ARHGAP25: variants seen among roughly 807,000 people sequenced by gnomAD.
ARHGAP25 encodes rho GTPase-activating protein 25.
In ARHGAP25, 34 loss-of-function variants were observed where a neutral mutation model predicts 71.0. The ratio of observed to expected loss-of-function variants is 0.48; its 90% CI spans 0.36 to 0.64. The LOEUF (loss-of-function observed/expected upper bound fraction) is 0.64, where lower values mean the gene tolerates loss of function less well. Among genes scored for constraint, ARHGAP25 ranks in the 30% least tolerant of loss-of-function variants. ARHGAP25 has a pLI of 0.00. For synonymous variants in ARHGAP25, 282 were observed against 296.5 expected (o/e 0.95, Z 0.50); for missense variants, 706 against 805.1 (o/e 0.88, Z 1.49).
intron 5 of ARHGAP25, among the ~76,000 whole-genome samples, chr2:68,812,436 A>G (rs1573612879): frequency 1.3e-5 from 2 of 152,304 alleles, no homozygotes; most frequent in East Asian, 3.9e-4. Flanking sequence ...AATCAGGCCC[A>G]CGGGGAGGCG....
rs566776754 is a variant in ARHGAP25, at chr2:68,711,411, G to A, written c.-18+713G>A. ...GTATTTATTTTCATTTTGAGATGGA[G>A]TCTTGCTCTGTCACCCAGGCTGGAG... On this transcript the variant is annotated intron_variant and NMD_transcript_variant, in intron 2 of 7. Transcript: ENST00000463483. Among the ~76,000 whole-genome samples, 5 of 152,276 alleles carry A rather than the reference G, an allele frequency of 3.3e-5. No homozygotes were observed. The East Asian group carries it at 9.6e-4, about 29-fold the overall frequency.
chr2:68,745,394 C>G (rs1675753515), intron 1 of ARHGAP25, among the ~76,000 whole-genome samples: 1 of 152,208 alleles, frequency 6.6e-6, no homozygotes. Flanking sequence ...CAGTGAGCCA[C>G]CATTCCATTG....
At chr2:68,820,258 T>A (rs961293980) in intron 9 of ARHGAP25, among the ~76,000 whole-genome samples, 1 of 152,242 alleles carries the variant, frequency 6.6e-6, no homozygotes, top group African/African-American at 2.4e-5. Flanking sequence ...TTTACTGATT[T>A]CTGTGGGCAG....
chr2:68,761,542 C>A (rs574632997), intron 1 of ARHGAP25, among the ~76,000 whole-genome samples: 25 of 151,436 alleles, frequency 1.7e-4, no homozygotes, highest in South Asian at 6.3e-4. Context: ...CAAAAAAAAA[C>A]CCCACAAACA....
chr2:68,812,313 C>T (rs1238098678), intron 5 of ARHGAP25, among the ~76,000 whole-genome samples: 1 of 152,224 alleles, frequency 6.6e-6, no homozygotes, highest in Non-Finnish European at 1.5e-5. Context: ...TAATTCTTAG[C>T]TCCCAGGCTG....
Position 68,775,201 on chromosome 2 carries a change from C to A in ARHGAP25, c.62-20C>A, listed in dbSNP as rs1677794274. On this transcript the variant is annotated intron_variant, in intron 1 of 10. Coordinates refer to ENST00000409202, the MANE Select transcript of ARHGAP25 (RefSeq NM_001007231.3). ...GCCCCATGTCCCTCGGTCAGTCGGCCTGTCTGTTCCTCTCTATAGCTCGGT... is the reference window on the plus strand; with the variant it reads ...GCCCCATGTCCCTCGGTCAGTCGGCATGTCTGTTCCTCTCTATAGCTCGGT... The A allele has an allele frequency of 1.9e-6, 3 of 1,614,268 alleles. No individual in the cohort carries two copies. In the East Asian group the frequency reaches 6.7e-5, roughly 36 times the overall value.
At chr2:68,772,343 C>T (rs1677540845) in intron 1 of ARHGAP25, among the ~76,000 whole-genome samples, 1 of 152,234 alleles carries the variant, frequency 6.6e-6, no homozygotes, top group Admixed American at 6.5e-5. Context: ...CCTGAGTTGG[C>T]TCCATTTGAT....
chr2:68,774,790 TG>T (rs1262998568), intron 1 of ARHGAP25: 7 of 1,065,736 alleles, frequency 6.6e-6, no homozygotes, highest in Non-Finnish European at 8.0e-6. Flanking sequence ...TGCAGCTGCG[TG>T]GGACTCACCC....
At chr2:68,824,325 C>T (rs987701285) in intron 10 of ARHGAP25, among the ~76,000 whole-genome samples, 3 of 152,208 alleles carry the variant, frequency 2.0e-5, no homozygotes, top group Non-Finnish European at 2.9e-5. Flanking sequence ...CCTGAGCCCA[C>T]ACAGATTCTA....
chr2:68,768,066 G>A (rs1677236929), intron 1 of ARHGAP25, among the ~76,000 whole-genome samples: 1 of 152,182 alleles, frequency 6.6e-6, no homozygotes, highest in African/African-American at 2.4e-5. Context: ...CTGGGCTGTG[G>A]CTTAGGTATG....
intron 1 of ARHGAP25, among the ~76,000 whole-genome samples, chr2:68,769,629 A>G (rs1328925630): frequency 6.6e-6 from 1 of 152,166 alleles, no homozygotes; most frequent in African/African-American, 2.4e-5. Context: ...AAAAGTACCA[A>G]GCAAGGCGAC....
intron 7 of ARHGAP25, 147 bp from the exon 8 acceptor site, chr2:68,817,726 A>G (rs1483099363): frequency 9.9e-7 from 1 of 1,012,662 alleles, no homozygotes; most frequent in Non-Finnish European, 1.4e-6. Context: ...GGATGAGGCT[A>G]AATTCTTGTG....
chr2:68,711,259 A>G (rs1674475452), intron 2 of ARHGAP25, among the ~76,000 whole-genome samples: 1 of 152,140 alleles, frequency 6.6e-6, no homozygotes, highest in South Asian at 2.1e-4. Flanking sequence ...ATGGAGGTGA[A>G]TTTTCCCATA....
At chr2:68,808,324 C>T (rs993456974) in intron 5 of ARHGAP25, among the ~76,000 whole-genome samples, 2 of 152,190 alleles carry the variant, frequency 1.3e-5, no homozygotes, top group African/African-American at 4.8e-5. Flanking sequence ...ATGAAAGTTG[C>T]TAAGCTTATT....
In ARHGAP25 at chr2:68,826,376, T is replaced by C; in HGVS notation, c.*182T>C. 1 of 708,080 alleles carries C rather than the reference T, an allele frequency of 1.4e-6. No individual in the cohort carries two copies. The highest frequency in any genetic ancestry group is 2.5e-6 in the Non-Finnish European group (1 of 393,040). 43.9% of individuals were successfully genotyped at this position (708,080 alleles called of 1,614,324 possible). ...GCAGGAAGGTGAGGGTGAGCAGAGA[T>C]GTGTGTGGACATCTCTGACCATCCA... On this transcript the variant is annotated 3_prime_UTR_variant, in exon 11 of 11. Coordinates refer to ENST00000409202, the MANE Select transcript of ARHGAP25 (RefSeq NM_001007231.3).
chr2:68,769,992 C>T (rs1339944121), intron 1 of ARHGAP25, among the ~76,000 whole-genome samples: 1 of 152,146 alleles, frequency 6.6e-6, no homozygotes, highest in African/African-American at 2.4e-5. Flanking sequence ...AGGAAGGTAA[C>T]ATGATCAGAA....
chr2:68,778,043 T>C (rs747698143), intron 2 of ARHGAP25, among the ~76,000 whole-genome samples: 9 of 152,146 alleles, frequency 5.9e-5, no homozygotes, highest in Non-Finnish European at 8.8e-5. Flanking sequence ...GTCAAAGCAA[T>C]CTATTATATG....
chr2:68,766,314 T>G (rs1384269270), intron 1 of ARHGAP25, among the ~76,000 whole-genome samples: 1 of 152,218 alleles, frequency 6.6e-6, no homozygotes, highest in Non-Finnish European at 1.5e-5. Context: ...CCAGCTACAT[T>G]GTCAAAGAAT....
At chr2:68,813,504 A>C in intron 6 of ARHGAP25, 85 bp downstream of exon 6, 2 of 1,476,624 alleles carry the variant, frequency 1.4e-6, no homozygotes, top group East Asian at 4.7e-5. Flanking sequence ...CAGTGGGTCA[A>C]GGGGCCTGTA....
Sources: gnomAD v4.1 joint callset for allele counts (sites outside exome capture counted in the v4.1 genomes callset) on GRCh38, gnomAD v4.1.1 for gene constraint, MANE v1.5 for transcripts, NCBI Gene and HGNC (gene_info 2026-07-23, HGNC 2026-07-21) for gene names.